The following PRDM16 variants were observed in gnomAD, a reference collection of about 807,000 sequenced individuals.
The protein encoded by PRDM16 is PR/SET domain 16, also known as histone-lysine N-methyltransferase PRDM16.
PRDM16 carries 23 observed loss-of-function variants against 110.6 expected under a neutral mutation model. The observed-to-expected ratio is 0.21, with a 90% confidence interval of 0.15 to 0.29. PRDM16 has a LOEUF of 0.29. Ranked by LOEUF, PRDM16 falls within the 10% of genes least tolerant of loss-of-function variation. The pLI is 1.00. For synonymous variants in PRDM16, 799 were observed against 781.8 expected (o/e 1.02, Z -0.37); for missense variants, 1,615 against 1,794.3 (o/e 0.90, Z 1.81).
chr1:3,280,423 G>A lies in PRDM16; in HGVS notation c.438+36286G>A, dbSNP rs956050167. ...CAGAGTTCTCTGTTTGCACACAGAG[G>A]AAGTGGTTTTCTGCCTGAGTCCCCC... On this transcript the variant is annotated intron_variant, in intron 3 of 16. Transcript: ENST00000270722. Among the ~76,000 whole-genome samples, 4 of 152,350 alleles carry A rather than the reference G, an allele frequency of 2.6e-5. No homozygotes were observed. In the East Asian group the frequency reaches 5.8e-4, roughly 22 times the overall value.
chr1:3,199,604 G>T (rs182785768), intron 2 of PRDM16, among the ~76,000 whole-genome samples: 2 of 152,148 alleles, frequency 1.3e-5, no homozygotes, highest in Non-Finnish European at 2.9e-5. Context: ...CTGGAGCTAG[G>T]TTTGCACTGG....
rs200643126 is a variant in PRDM16 at position 3,425,762 on chromosome 1, G to C, written c.3109+12G>C. 3,152 of 1,612,952 alleles carry C rather than the reference G, an allele frequency of 2.0e-3. 4 individuals carry two copies. Among genetic ancestry groups the C allele is most frequent in the Non-Finnish European group, 2.2e-3 (2,611 of 1,179,718 alleles). On this transcript the variant is annotated intron_variant, in intron 13 of 16. Coordinates refer to ENST00000270722, the MANE Select transcript of PRDM16 (RefSeq NM_022114.4). The surrounding 1 kb of genome is among the most constrained non-coding windows in gnomAD (Gnocchi z 6.9). ...CGAGAACGCACCAGGTGGGCCACGC[G>C]GGGTGGGGCAGCCCCCAGAGCACCC...
chr1:3,114,385 GAC>G (rs1642890788), intron 1 of PRDM16, among the ~76,000 whole-genome samples: 1 of 117,380 alleles, frequency 8.5e-6, no homozygotes, highest in South Asian at 2.8e-4. Flanking sequence ...GGTGTAAACA[GAC>G]GCGCACGCAC....
intron 2 of PRDM16, among the ~76,000 whole-genome samples, chr1:3,198,131 C>A (rs1033180779): frequency 6.6e-6 from 1 of 152,200 alleles, no homozygotes; most frequent in Non-Finnish European, 1.5e-5. Flanking sequence ...CTCCTGCACG[C>A]GGGTAGAATC....
chr1:3,333,018 C>A (rs368331921), intron 3 of PRDM16, among the ~76,000 whole-genome samples: 14 of 152,266 alleles, frequency 9.2e-5, no homozygotes, highest in African/African-American at 3.4e-4. Flanking sequence ...CACCTCTTGG[C>A]GATTTTGGAC....
intron 9 of PRDM16, among the ~76,000 whole-genome samples, chr1:3,413,670 G>T (rs1277463598): frequency 6.6e-6 from 1 of 152,270 alleles, no homozygotes; most frequent in Admixed American, 6.5e-5. Context: ...GCTGTGTCTT[G>T]CAACGGGGTG....
At chr1:3,194,397 C>T (rs1638401422) in intron 2 of PRDM16, among the ~76,000 whole-genome samples, 1 of 152,180 alleles carries the variant, frequency 6.6e-6, no homozygotes, top group South Asian at 2.1e-4. Flanking sequence ...AGCCGGCGCT[C>T]ATTGGCTGAG....
intron 3 of PRDM16, among the ~76,000 whole-genome samples, chr1:3,297,089 G>A (rs908004546): frequency 1.1e-4 from 17 of 152,146 alleles, no homozygotes; most frequent in Non-Finnish European, 1.5e-4. Context: ...CTGAATGCGC[G>A]CAGATCTCAG....
intron 2 of PRDM16, among the ~76,000 whole-genome samples, chr1:3,229,371 G>T (rs1004867367): frequency 1.3e-5 from 2 of 152,230 alleles, no homozygotes; most frequent in Non-Finnish European, 2.9e-5. Flanking sequence ...GCCCCTCCCC[G>T]GCCTCCCCTA....
intron 1 of PRDM16, among the ~76,000 whole-genome samples, chr1:3,079,903 G>A (rs1641984614): frequency 6.6e-6 from 1 of 152,224 alleles, no homozygotes; most frequent in African/African-American, 2.4e-5. Flanking sequence ...CTGCCCTCTT[G>A]TGCCTTGAAA....
chr1:3,109,452 C>T (rs1569573352), intron 1 of PRDM16, among the ~76,000 whole-genome samples: 1 of 152,222 alleles, frequency 6.6e-6, no homozygotes, highest in East Asian at 1.9e-4. Context: ...GATGTTCAGA[C>T]TAGCTCCCTA....
At chr1:3,309,418 A>G (rs527323721) in intron 3 of PRDM16, 1 of 152,394 alleles carries the variant, frequency 6.6e-6, no homozygotes, top group East Asian at 1.9e-4. Context: ...CGGTCAGGCC[A>G]TGGGGCCTGA....
intron 1 of PRDM16, among the ~76,000 whole-genome samples, chr1:3,181,813 TACAC>T (rs1557510565): frequency 2.3e-5 from 2 of 88,734 alleles, no homozygotes; most frequent in Admixed American, 1.3e-4. Context: ...CACACGGTCT[TACAC>T]ATGCGGTCTT....
chr1:3,380,869 T>C (rs935416804), intron 3 of PRDM16, among the ~76,000 whole-genome samples: 1 of 152,152 alleles, frequency 6.6e-6, no homozygotes, highest in Non-Finnish European at 1.5e-5. Flanking sequence ...GCACAATGGG[T>C]GCCTCCTCCA....
chr1:3,408,661 TGA>T lies in PRDM16; in HGVS notation c.1187-2719_1187-2718del, dbSNP rs199683032. On this transcript the variant is annotated intron_variant, in intron 8 of 16. Coordinates refer to ENST00000270722, the MANE Select transcript of PRDM16 (RefSeq NM_022114.4). The stretch of plus-strand genomic sequence containing the variant: ...GAGCTGGTGCCTGTGTTGGCATGTG[TGA>T]GAGTGTGTGAGTGTGAGCACGTGAG... 4.4e-3 allele frequency among the ~76,000 whole-genome samples: 607 copies of T among 137,164 alleles called. 2 individuals are homozygous for T. The highest frequency in any genetic ancestry group is 0.011 in the African/African-American group (359 of 32,356). The allele number at this position is 137,164 out of a possible 152,430, so 90.0% of individuals were successfully genotyped here.
At chr1:3,428,044 G>A (rs79430889) in intron 14 of PRDM16, among the ~76,000 whole-genome samples, 3,675 of 152,294 alleles carry the variant, frequency 0.024, 168 homozygotes, top group East Asian at 0.19. Context: ...AAGGCCAGGC[G>A]AGGAACAAGT....
intron 1 of PRDM16, among the ~76,000 whole-genome samples, chr1:3,101,138 C>T (rs1010163309): frequency 2.6e-5 from 4 of 152,250 alleles, no homozygotes; most frequent in Admixed American, 2.0e-4. Context: ...TGTGCCCCTT[C>T]GGTCTGGGGA....
At chr1:3,147,158 G>C (rs1643688031) in intron 1 of PRDM16, among the ~76,000 whole-genome samples, 1 of 148,164 alleles carries the variant, frequency 6.7e-6, no homozygotes, top group Non-Finnish European at 1.5e-5. Flanking sequence ...TCGGTGTGAG[G>C]TGTGTGCACG....
chr1:3,362,802 C>A (rs1239089620), intron 3 of PRDM16, among the ~76,000 whole-genome samples: 1 of 152,214 alleles, frequency 6.6e-6, no homozygotes, highest in African/African-American at 2.4e-5. Flanking sequence ...CCCAGGCTGC[C>A]CTGACCTGCT....
Sources: gnomAD v4.1 joint callset for allele counts (sites outside exome capture counted in the v4.1 genomes callset) on GRCh38, gnomAD v4.1.1 for gene constraint, Gnocchi (gnomAD v3.1) non-coding constraint, MANE v1.5 for transcripts, NCBI Gene and HGNC (gene_info 2026-07-23, HGNC 2026-07-21) for gene names.